MBNL2: variants seen among roughly 807,000 people sequenced by gnomAD.
The protein encoded by MBNL2 is muscleblind like splicing regulator 2.
MBNL2 carries 17 observed loss-of-function variants against 41.9 expected under a neutral mutation model. The observed-to-expected ratio is 0.41, with a 90% CI of 0.28 to 0.61. The LOEUF (loss-of-function observed/expected upper bound fraction) is 0.61. Among genes scored for constraint, MBNL2 ranks in the 20% least tolerant of loss-of-function variants. The probability of loss-of-function intolerance (pLI) is 0.35; values close to 1 mark genes in which losing one functional copy is unlikely to be tolerated. For missense variants in MBNL2, 336 were observed against 505.6 expected (o/e 0.66, Z 3.22); for synonymous variants, 195 against 182.9 (o/e 1.07, Z -0.53).
the MBNL2 span, among the ~76,000 whole-genome samples, chr13:97,142,109 G>GT: frequency 1.3e-5 from 2 of 152,136 alleles, no homozygotes; most frequent in Non-Finnish European, 2.9e-5. Context: ...AACTAATGGG[G>GT]TAAAAACTCA....
At chr13:97,190,093 C>G in the MBNL2 span, among the ~76,000 whole-genome samples, 1 of 152,232 alleles carries the variant, frequency 6.6e-6, no homozygotes, top group South Asian at 2.1e-4. Flanking sequence ...GGACCCCTGG[C>G]TTAGTTTCCA....
intron 2 of MBNL2, among the ~76,000 whole-genome samples, chr13:97,326,483 G>C (rs1247544033): frequency 6.6e-6 from 1 of 152,182 alleles, no homozygotes; most frequent in African/African-American, 2.4e-5. Context: ...TATCTAGACT[G>C]TTAAGGATAA....
At chr13:97,148,932 C>G in the MBNL2 span, among the ~76,000 whole-genome samples, 1 of 152,228 alleles carries the variant, frequency 6.6e-6, no homozygotes, top group Non-Finnish European at 1.5e-5. Context: ...TGCATACACA[C>G]AAGAACATTT....
At chr13:97,157,704 T>C in the MBNL2 span, among the ~76,000 whole-genome samples, 146 of 148,824 alleles carry the variant, frequency 9.8e-4, 4 homozygotes, top group South Asian at 0.013. Context: ...CATTTATTGA[T>C]TTGCGTATAT....
chr13:97,216,404 A>C, the MBNL2 span, among the ~76,000 whole-genome samples: 24 of 152,318 alleles, frequency 1.6e-4, no homozygotes, highest in Middle Eastern at 3.4e-3. Flanking sequence ...TAACTAGAAA[A>C]AAAAGTAAAA....
At chr13:97,175,709 G>T in the MBNL2 span, among the ~76,000 whole-genome samples, 15 of 152,250 alleles carry the variant, frequency 9.9e-5, no homozygotes, top group African/African-American at 3.6e-4. Context: ...CCTGCAAAAG[G>T]GTGATGAGAA....
At chr13:97,259,921 A>T (rs1448229711) in intron 1 of MBNL2, among the ~76,000 whole-genome samples, 1 of 152,212 alleles carries the variant, frequency 6.6e-6, no homozygotes, top group Admixed American at 6.5e-5. Flanking sequence ...CTCACTCAGC[A>T]AATATCTATT....
At chr13:97,270,999 T>C (rs11841655) in intron 1 of MBNL2, among the ~76,000 whole-genome samples, 2,015 of 152,250 alleles carry the variant, frequency 0.013, 69 homozygotes, top group African/African-American at 0.046. Context: ...TGAGAGGCTA[T>C]GATAACAGTA....
the MBNL2 span, among the ~76,000 whole-genome samples, chr13:97,154,861 A>C: frequency 1.3e-5 from 2 of 151,866 alleles, no homozygotes; most frequent in Admixed American, 1.3e-4. Flanking sequence ...ATTCAACTAA[A>C]ATTCACCTTG....
upstream of MBNL2, among the ~76,000 whole-genome samples, chr13:97,217,598 G>C (rs987203608): frequency 1.3e-5 from 2 of 152,222 alleles, no homozygotes; most frequent in South Asian, 2.1e-4. Flanking sequence ...AATTAGAAAA[G>C]ACATGACACA....
intron 7 of MBNL2, chr13:97,363,212 C>T (rs1444346448): frequency 4.6e-5 from 7 of 152,140 alleles, no homozygotes; most frequent in Admixed American, 2.6e-4. Context: ...AGGAAAGGAC[C>T]TGGAACTCTG....
intron 5 of MBNL2, 151 bp downstream of exon 5, chr13:97,347,218 C>T (rs1334670102): frequency 6.1e-6 from 4 of 657,760 alleles, no homozygotes; most frequent in Non-Finnish European, 9.9e-6. Flanking sequence ...TGTTTTCCCC[C>T]TTTTTGTTTT....
At chr13:97,280,909 C>T (rs2053264007) in intron 2 of MBNL2, among the ~76,000 whole-genome samples, 1 of 152,164 alleles carries the variant, frequency 6.6e-6, no homozygotes, top group Non-Finnish European at 1.5e-5. Context: ...AGTAATGCTG[C>T]CATTGCTGGG....
intron 8 of MBNL2, among the ~76,000 whole-genome samples, chr13:97,388,739 C>T (rs918444926): frequency 1.7e-4 from 26 of 152,116 alleles, no homozygotes; most frequent in Non-Finnish European, 2.9e-4. Context: ...GTCTATATCT[C>T]CAGGGCATAT....
intron 1 of MBNL2, among the ~76,000 whole-genome samples, chr13:97,239,752 T>C (rs528336304): frequency 3.9e-5 from 6 of 152,368 alleles, no homozygotes; most frequent in African/African-American, 1.4e-4. Flanking sequence ...TTTTAGCTGC[T>C]TGAGTGCTGT....
At chr13:97,194,039 A>G in the MBNL2 span, among the ~76,000 whole-genome samples, 3 of 152,164 alleles carry the variant, frequency 2.0e-5, no homozygotes, top group African/African-American at 7.2e-5. Context: ...TTGTGTATGA[A>G]TGGATATTTC....
chr13:97,291,849 C>G (rs2152976975), intron 2 of MBNL2, among the ~76,000 whole-genome samples: 1 of 132,022 alleles, frequency 7.6e-6, no homozygotes, highest in South Asian at 2.5e-4. Context: ...GAGCTGAGAT[C>G]ATGCCATTGC....
chr13:97,219,818 G>C (rs2040706495), upstream of MBNL2, among the ~76,000 whole-genome samples: 2 of 152,146 alleles, frequency 1.3e-5, no homozygotes, highest in Non-Finnish European at 2.9e-5. Context: ...TTCCTGTTCT[G>C]ACTGAAGTGT....
the MBNL2 span, among the ~76,000 whole-genome samples, chr13:97,144,420 C>CTTTTTTTT: frequency 1.0e-4 from 9 of 87,604 alleles, no homozygotes; most frequent in African/African-American, 5.0e-4. Flanking sequence ...AGACATGATA[C>CTTTTTTTT]TTCTTTTTTT....
Sources: gnomAD v4.1 joint callset for allele counts (sites outside exome capture counted in the v4.1 genomes callset) on GRCh38, gnomAD v4.1.1 for gene constraint, MANE v1.5 for transcripts, NCBI Gene and HGNC (gene_info 2026-07-23, HGNC 2026-07-21) for gene names.